Variants in GRIK4 observed in about 807,000 individuals in gnomAD.
GRIK4 encodes glutamate ionotropic receptor kainate type subunit 4.
Under a neutral mutation model 104.9 loss-of-function variants are expected in GRIK4, and 40 were observed. The observed-to-expected ratio is 0.38, with a 90% CI of 0.30 to 0.50. The LOEUF (loss-of-function observed/expected upper bound fraction) is 0.50, where lower values mean the gene tolerates loss of function less well. Ranked by LOEUF, GRIK4 falls within the 20% of genes least tolerant of loss-of-function variation. The pLI is 0.93. For synonymous variants in GRIK4, 485 were observed against 524.9 expected (o/e 0.92, Z 1.04); for missense variants, 1,047 against 1,308.1 (o/e 0.80, Z 3.08).
At chr11:120,789,531 A>G (rs1376840113) in intron 3 of GRIK4, among the ~76,000 whole-genome samples, 3 of 151,852 alleles carry the variant, frequency 2.0e-5, no homozygotes, top group African/African-American at 7.3e-5. Context: ...GATCTTCCCA[A>G]CTCGTATTTC....
Position 120,986,087 on chromosome 11 carries a change from C to T in GRIK4, c.2698C>T (p.Gln900Ter). 6.6e-7 allele frequency: 1 copy of T among 1,510,794 alleles called. No individual in the cohort carries two copies. The highest frequency in any genetic ancestry group is 8.8e-7 in the Non-Finnish European group (1 of 1,135,966). The allele number at this position is 1,510,794 out of a possible 1,614,324, so 93.6% of individuals were successfully genotyped here. The part of the protein sequence containing the change: ...GKLCGAGEPD[Q>*]LAQRLAQEAA... ...GCTGTGCGGGGCAGGGGAGCCCGAC[C>T]AGCTCGCGCAGAGACTGGCGCAGGA... The change falls in exon 21 of 21, where the codon CAG becomes TAG. Residue 900 changes from glutamine to a stop codon, truncating the protein, a stop_gained. Transcript: ENST00000527524. LOFTEE classifies it high-confidence loss of function.
chr11:120,831,883 A>G lies in GRIK4; in HGVS notation c.543A>G (p.Gln181=), dbSNP rs1360000575. The part of the protein sequence containing the change: ...CLLNLEKLLR[Q]FLISKDTLSV... Reference sequence around the variant, plus strand: ...TAAACCTAGAGAAGCTGCTCCGGCAATTCCTTATCTCCAAGGACACGCTGT... The same window carrying G: ...TAAACCTAGAGAAGCTGCTCCGGCAGTTCCTTATCTCCAAGGACACGCTGT... The change falls in exon 7 of 21, where the codon CAA becomes CAG. Residue 181 remains glutamine (Q), a synonymous_variant. Coordinates refer to ENST00000527524, the MANE Select transcript of GRIK4 (RefSeq NM_014619.5). The G allele has an allele frequency of 1.3e-5, 21 of 1,613,640 alleles. No individual in the cohort carries two copies. Among genetic ancestry groups the G allele is most frequent in the Non-Finnish European group, 1.5e-5 (18 of 1,179,858 alleles).
At chr11:120,616,990 A>G (rs1350032497) in intron 1 of GRIK4, among the ~76,000 whole-genome samples, 1 of 152,188 alleles carries the variant, frequency 6.6e-6, no homozygotes, top group African/African-American at 2.4e-5. Context: ...AGAGGGTTCC[A>G]GGATGGCAGT....
At chr11:120,896,822 A>G (rs1322221965) in intron 11 of GRIK4, among the ~76,000 whole-genome samples, 2 of 152,192 alleles carry the variant, frequency 1.3e-5, no homozygotes, top group Admixed American at 1.3e-4. Context: ...TGGGTCTTCC[A>G]GGGAAGCTGC....
chr11:120,647,254 G>A (rs1161083395), intron 1 of GRIK4, among the ~76,000 whole-genome samples: 2 of 152,130 alleles, frequency 1.3e-5, no homozygotes, highest in African/African-American at 4.8e-5. Context: ...GTGCTCTGAT[G>A]TTCCAGTGGA....
At chr11:120,707,212 G>A (rs1046605016) in intron 3 of GRIK4, among the ~76,000 whole-genome samples, 1 of 152,218 alleles carries the variant, frequency 6.6e-6, no homozygotes, top group Admixed American at 6.5e-5. Context: ...ATGGAAGGGA[G>A]GCTAAGTACA....
At chr11:120,847,682 AC>A (rs1218697471) in intron 8 of GRIK4, among the ~76,000 whole-genome samples, 1 of 152,210 alleles carries the variant, frequency 6.6e-6, no homozygotes. Flanking sequence ...GGTGGGGAGA[AC>A]CTTTCAGAAC....
chr11:120,582,187 C>CATCT (rs1212646431), intron 1 of GRIK4, among the ~76,000 whole-genome samples: 1 of 151,070 alleles, frequency 6.6e-6, no homozygotes, highest in Non-Finnish European at 1.5e-5. Context: ...CTACCATGAG[C>CATCT]ATCTATAGGG....
intron 3 of GRIK4, among the ~76,000 whole-genome samples, chr11:120,665,744 G>A (rs11217949): frequency 0.039 from 5,864 of 152,208 alleles, 285 homozygotes; most frequent in African/African-American, 0.11. Flanking sequence ...AAAAGTCTGC[G>A]CGTGTGTCTG....
chr11:120,862,369 C>T (rs1276241251), intron 9 of GRIK4: 2 of 399,782 alleles, frequency 5.0e-6, no homozygotes, highest in South Asian at 6.6e-5. Flanking sequence ...GGCTGCAAGT[C>T]CCCTGTGGCC....
At chr11:120,690,990 T>G (rs1376420613) in intron 3 of GRIK4, among the ~76,000 whole-genome samples, 3 of 152,240 alleles carry the variant, frequency 2.0e-5, no homozygotes, top group Admixed American at 2.0e-4. Context: ...TTAATCATTT[T>G]TATTGCCTTT....
intron 1 of GRIK4, among the ~76,000 whole-genome samples, chr11:120,603,250 T>C (rs528226867): frequency 6.6e-6 from 1 of 152,338 alleles, no homozygotes; most frequent in South Asian, 2.1e-4. Context: ...GGCCCACCTC[T>C]CCCTGAGGCC....
chr11:120,717,427 C>T (rs955827901), intron 3 of GRIK4, among the ~76,000 whole-genome samples: 8 of 152,054 alleles, frequency 5.3e-5, no homozygotes, highest in African/African-American at 1.9e-4. Context: ...ATGAGCATGC[C>T]CAGGATCTGG....
intron 20 of GRIK4, among the ~76,000 whole-genome samples, chr11:120,984,415 C>T (rs1944703195): frequency 6.6e-6 from 1 of 152,200 alleles, no homozygotes; most frequent in Non-Finnish European, 1.5e-5. Context: ...TACATAACTT[C>T]TCTGAGCCTC....
chr11:120,677,932 G>T (rs949207802), intron 3 of GRIK4, among the ~76,000 whole-genome samples: 1 of 152,226 alleles, frequency 6.6e-6, no homozygotes, highest in African/African-American at 2.4e-5. Flanking sequence ...ACCTCCAGAG[G>T]TAGGTTTGGT....
At chr11:120,848,384 G>A (rs373725518) in intron 8 of GRIK4, among the ~76,000 whole-genome samples, 72 of 152,310 alleles carry the variant, frequency 4.7e-4, no homozygotes, top group African/African-American at 1.7e-3. Flanking sequence ...ACCTAGCGCA[G>A]GCTCTGGTTC....
chr11:120,815,022 C>T (rs1413202643), intron 4 of GRIK4, among the ~76,000 whole-genome samples: 2 of 152,240 alleles, frequency 1.3e-5, no homozygotes, highest in African/African-American at 2.4e-5. Flanking sequence ...CCCCCTACCC[C>T]CCTGCAGGCC....
At chr11:120,898,674 T>C (rs57943482) in intron 12 of GRIK4, 35 bp downstream of exon 12, 219,943 of 1,208,254 alleles carry the variant, frequency 0.18, 23,916 homozygotes, top group East Asian at 0.46. Flanking sequence ...AGCTGCAGCA[T>C]CCTGGGGTGC....
chr11:120,803,516 C>T (rs1429086257), intron 4 of GRIK4, among the ~76,000 whole-genome samples: 1 of 152,204 alleles, frequency 6.6e-6, no homozygotes. Context: ...CAGCTCACTG[C>T]AACCTCTGCC....
Sources: gnomAD v4.1 joint callset for allele counts (sites outside exome capture counted in the v4.1 genomes callset) on GRCh38, gnomAD v4.1.1 for gene constraint, MANE v1.5 for transcripts, NCBI Gene and HGNC (gene_info 2026-07-23, HGNC 2026-07-21) for gene names.